The following FZD3 variants were observed in gnomAD, a reference collection of about 807,000 sequenced individuals.
FZD3 encodes frizzled-3.
Under a neutral mutation model 60.7 loss-of-function variants are expected in FZD3, and 30 were observed. The ratio of observed to expected loss-of-function variants is 0.49; its 90% CI spans 0.37 to 0.67. FZD3 has a LOEUF of 0.67. Ranked by LOEUF, FZD3 falls within the 30% of genes least tolerant of loss-of-function variation. The pLI is 0.00. For missense variants in FZD3, 605 were observed against 838.7 expected (o/e 0.72, Z 3.44); for synonymous variants, 246 against 275.2 (o/e 0.89, Z 1.05).
Position 28,546,402 on chromosome 8 carries a change from G to A in FZD3, c.1405-5201G>A, listed in dbSNP as rs532804115. Among the ~76,000 whole-genome samples the A allele has an allele frequency of 3.9e-5, 6 of 152,216 alleles. No homozygotes were observed. The South Asian group carries it at 1.2e-3, about 32-fold the overall frequency. On this transcript the variant is annotated intron_variant, in intron 5 of 7. Coordinates refer to ENST00000240093, the MANE Select transcript of FZD3 (RefSeq NM_017412.4). ...GAGCCAGTTGTTAAAACATTTACCAGCACACCACTGTCTGTATTTTCCTTT... is the reference window on the plus strand; with the variant it reads ...GAGCCAGTTGTTAAAACATTTACCAACACACCACTGTCTGTATTTTCCTTT...
intron 5 of FZD3, among the ~76,000 whole-genome samples, chr8:28,532,276 A>G (rs926104075): frequency 1.3e-5 from 2 of 152,186 alleles, no homozygotes; most frequent in African/African-American, 4.8e-5. Context: ...TTTTCCATGA[A>G]AAACACTGTC....
At chr8:28,504,319 A>G (rs887690505) in intron 3 of FZD3, among the ~76,000 whole-genome samples, 7 of 152,210 alleles carry the variant, frequency 4.6e-5, no homozygotes, top group Non-Finnish European at 1.0e-4. Context: ...GAGAATTGGT[A>G]TAGGCTATCA....
At chr8:28,562,769 A>G (rs1292964378) in intron 7 of FZD3, 29 bp from the exon 8 acceptor site, 1 of 1,284,178 alleles carries the variant, frequency 7.8e-7, no homozygotes, top group East Asian at 2.4e-5. Flanking sequence ...GTGTTCTGTT[A>G]CCCACTTCAA....
At chr8:28,516,913 C>G (rs764790964) in intron 3 of FZD3, among the ~76,000 whole-genome samples, 2 of 152,130 alleles carry the variant, frequency 1.3e-5, no homozygotes, top group Admixed American at 6.5e-5. Context: ...ATTACTTCAA[C>G]CATTCCCCCA....
rs904423050 is a variant in FZD3 at position 28,527,406 on chromosome 8, G to T, written c.646G>T (p.Ala216Ser). Residue 216 changes from alanine (A) to serine (S), a missense_variant, in exon 5 of 8, where the codon GCC (alanine) becomes TCC (serine). Physicochemically the swap from Ala to Ser is moderately conservative, Grantham distance 99. Transcript: ENST00000240093. This position sits in a 1 kb window ranked among gnomAD's most constrained non-coding sequence, Gnocchi z 5.0. ...ATTGATTTCAATCATTTGCCTCTCG[G>T]CCACATTGTTTACTTTTTTAACTTT... ...IGLISIICLS[A>S]TLFTFLTFLI... The T allele has an allele frequency of 6.2e-7, 1 of 1,613,930 alleles. No individual in the cohort carries two copies. The highest frequency in any genetic ancestry group is 8.5e-7 in the Non-Finnish European group (1 of 1,179,876).
In FZD3 at chr8:28,564,827, T is replaced by G. The variant is rs1467387768; in HGVS notation, c.*1816T>G. The G allele has an allele frequency of 6.6e-6, 1 of 152,200 alleles. No individual in the cohort carries two copies. Among genetic ancestry groups the G allele is most frequent in the East Asian group, 1.9e-4 (1 of 5,206 alleles). 9.4% of individuals were successfully genotyped at this position (152,200 alleles called of 1,614,324 possible). A position where few individuals can be genotyped will look rare whatever the true frequency, so the allele number is the denominator to read the frequency against. ...TTTATGACCTTTAACAATTTAACTC[T>G]CCGAGCCTCAGTTCCCTTGTTTGTA... On this transcript the variant is annotated 3_prime_UTR_variant, in exon 8 of 8. Coordinates refer to ENST00000240093, the MANE Select transcript of FZD3 (RefSeq NM_017412.4).
Position 28,508,586 on chromosome 8 carries a change from A to G in FZD3, c.189+5384A>G, listed in dbSNP as rs1236911578. Reference sequence around the variant, plus strand: ...CACGATCACAGCTCACTGCAGTCCTAATCTCCCGGGCTCAGTTAATCCTCC... The same window carrying G: ...CACGATCACAGCTCACTGCAGTCCTGATCTCCCGGGCTCAGTTAATCCTCC... On this transcript the variant is annotated intron_variant, in intron 3 of 7. Transcript: ENST00000240093. Among the ~76,000 whole-genome samples the G allele has an allele frequency of 2.6e-5, 4 of 151,900 alleles. No homozygotes were observed. In the East Asian group the frequency reaches 5.8e-4, roughly 22 times the overall value.
intron 1 of FZD3, among the ~76,000 whole-genome samples, chr8:28,495,622 T>C (rs1416624600): frequency 6.6e-6 from 1 of 152,178 alleles, no homozygotes; most frequent in East Asian, 1.9e-4. Context: ...CTTAGTTCTA[T>C]TATTAAGAAG....
At chr8:28,552,265 C>G (rs1805426932) in intron 6 of FZD3, among the ~76,000 whole-genome samples, 1 of 152,144 alleles carries the variant, frequency 6.6e-6, no homozygotes. Context: ...AAGAAATACT[C>G]TTATTCCATT....
chr8:28,527,138 G>A lies in FZD3; in HGVS notation c.387-9G>A. ...GTAAAAATAGTTCTCATCTTGTTTT[G>A]TTTTTTAGGTTCCCAGATTGTGATG... On this transcript the variant is annotated splice_polypyrimidine_tract_variant and intron_variant, in intron 4 of 7. Coordinates refer to ENST00000240093, the MANE Select transcript of FZD3 (RefSeq NM_017412.4). The surrounding 1 kb of genome is among the most constrained non-coding windows in gnomAD (Gnocchi z 5.0). 1 of 1,591,486 alleles carries A rather than the reference G, an allele frequency of 6.3e-7. No individual in the cohort carries two copies. Among genetic ancestry groups the A allele is most frequent in the Non-Finnish European group, 8.5e-7 (1 of 1,171,564 alleles).
At chr8:28,538,446 G>T (rs953638077) in intron 5 of FZD3, among the ~76,000 whole-genome samples, 5 of 151,916 alleles carry the variant, frequency 3.3e-5, no homozygotes, top group Non-Finnish European at 4.4e-5. Flanking sequence ...AAGTTATATT[G>T]TACTCAGTTT....
chr8:28,502,234 G>A (rs1237199446), intron 2 of FZD3, among the ~76,000 whole-genome samples: 1 of 152,074 alleles, frequency 6.6e-6, no homozygotes, highest in African/African-American at 2.4e-5. Context: ...GATGCCTTCT[G>A]CTACATCAGT....
intron 4 of FZD3, 135 bp downstream of exon 4, chr8:28,520,969 T>G: frequency 2.3e-6 from 1 of 443,680 alleles, no homozygotes; most frequent in Non-Finnish European, 3.9e-6. Context: ...AACAGTTTTA[T>G]GGCCTCACAA....
chr8:28,517,811 T>C (rs1039456660), intron 3 of FZD3, among the ~76,000 whole-genome samples: 1 of 152,186 alleles, frequency 6.6e-6, no homozygotes, highest in African/African-American at 2.4e-5. Flanking sequence ...TATTAGTCAT[T>C]GTTATATACA....
intron 7 of FZD3, among the ~76,000 whole-genome samples, chr8:28,562,391 C>A (rs1290702989): frequency 6.6e-6 from 1 of 152,022 alleles, no homozygotes; most frequent in East Asian, 1.9e-4. Context: ...TTTGAATGTA[C>A]CCCTCTACTG....
chr8:28,546,918 C>T (rs369487848), intron 5 of FZD3, among the ~76,000 whole-genome samples: 8 of 143,964 alleles, frequency 5.6e-5, no homozygotes, highest in African/African-American at 1.2e-4. Context: ...TGCAGTGAGC[C>T]GAGATCGTGC....
rs59046933 is a variant in FZD3 at position 28,539,096 on chromosome 8, G to C, written c.1404+10932G>C. Among the ~76,000 whole-genome samples, 705 of 152,188 alleles carry C rather than the reference G, an allele frequency of 4.6e-3. 23 individuals carry two copies. In the East Asian group the frequency reaches 0.089, roughly 19 times the overall value. ...AATATGATAGTTATACCCTATATCA[G>C]GGATCCCCTACCCCCGAGCGATGGA... On this transcript the variant is annotated intron_variant, in intron 5 of 7. Coordinates refer to ENST00000240093, the MANE Select transcript of FZD3 (RefSeq NM_017412.4).
At chr8:28,560,228 A>ATC (rs1554540722) in intron 7 of FZD3, among the ~76,000 whole-genome samples, 1 of 89,978 alleles carries the variant, frequency 1.1e-5, no homozygotes, top group African/African-American at 5.1e-5. Context: ...GCACTGTAGT[A>ATC]TTTTTTGACA....
intron 5 of FZD3, among the ~76,000 whole-genome samples, chr8:28,550,390 C>T (rs1805381339): frequency 7.2e-6 from 1 of 139,042 alleles, no homozygotes; most frequent in Non-Finnish European, 1.5e-5. Context: ...AGACTGGAGT[C>T]TGGCCTATCC....
Sources: gnomAD v4.1 joint callset for allele counts (sites outside exome capture counted in the v4.1 genomes callset) on GRCh38, gnomAD v4.1.1 for gene constraint, Gnocchi (gnomAD v3.1) non-coding constraint, MANE v1.5 for transcripts, NCBI Gene and HGNC (gene_info 2026-07-23, HGNC 2026-07-21) for gene names.